The following SLC6A5 variants were observed in gnomAD, a reference collection of about 807,000 sequenced individuals.
SLC6A5 encodes solute carrier family 6 member 5, also known as sodium- and chloride-dependent glycine transporter 2.
A neutral mutation model predicts 90.5 loss-of-function variants in SLC6A5; 58 were observed. That is an observed-to-expected ratio of 0.64 (90% CI 0.52 to 0.80). The LOEUF (loss-of-function observed/expected upper bound fraction) is 0.80. Ranked by LOEUF, SLC6A5 falls within the 30% of genes least tolerant of loss-of-function variation. SLC6A5 has a pLI of 0.00. For synonymous variants in SLC6A5, 427 were observed against 401.4 expected (o/e 1.06, Z -0.76); for missense variants, 1,015 against 1,017.6 (o/e 1.00, Z 0.03).
At chr11:20,617,993 C>T (rs1852816913) in intron 7 of SLC6A5, 109 bp downstream of exon 7, 1 of 1,135,328 alleles carries the variant, frequency 8.8e-7, no homozygotes, top group Admixed American at 1.7e-5. Flanking sequence ...GATGCTAATT[C>T]TGACTCTGCC....
At chr11:20,618,585 A>G (rs1359009288) in intron 7 of SLC6A5, among the ~76,000 whole-genome samples, 1 of 152,206 alleles carries the variant, frequency 6.6e-6, no homozygotes, top group African/African-American at 2.4e-5. Flanking sequence ...CTCAGGCCAC[A>G]GTGGGCATTG....
At chr11:20,638,926 T>C (rs1474698239) in intron 13 of SLC6A5, among the ~76,000 whole-genome samples, 1 of 152,154 alleles carries the variant, frequency 6.6e-6, no homozygotes, top group African/African-American at 2.4e-5. Flanking sequence ...TCAATACCCA[T>C]GCAGCTTGAA....
At chr11:20,622,950 G>C (rs1852920085) in intron 7 of SLC6A5, among the ~76,000 whole-genome samples, 1 of 152,308 alleles carries the variant, frequency 6.6e-6, no homozygotes, top group South Asian at 2.1e-4. Context: ...CCTGACAGCT[G>C]TGAGGCCAGC....
intron 13 of SLC6A5, among the ~76,000 whole-genome samples, chr11:20,642,326 G>A (rs1298817622): frequency 6.6e-6 from 1 of 151,884 alleles, no homozygotes; most frequent in Non-Finnish European, 1.5e-5. Context: ...AGGTGCATGG[G>A]GGAAAGTGAT....
Position 20,654,658 on chromosome 11 carries a change from A to G in SLC6A5, c.2239-55A>G, listed in dbSNP as rs1018281543. 3.8e-6 allele frequency: 6 copies of G among 1,590,590 alleles called. No individual in the cohort carries two copies. The African/African-American group carries it at 8.1e-5, about 21-fold the overall frequency. ...GTTTGGGGATGAGTGGGTCGTCCCCAGGTGAGGAAGGTGCACTACTTCTGT... is the reference window on the plus strand; with the variant it reads ...GTTTGGGGATGAGTGGGTCGTCCCCGGGTGAGGAAGGTGCACTACTTCTGT... On this transcript the variant is annotated intron_variant, in intron 15 of 15. Transcript: ENST00000525748.
At chr11:20,650,155 AG>A (rs1254400031) in intron 14 of SLC6A5, among the ~76,000 whole-genome samples, 1 of 151,840 alleles carries the variant, frequency 6.6e-6, no homozygotes, top group Non-Finnish European at 1.5e-5. Context: ...TTAGGAAGAG[AG>A]GGGTGGGGAG....
rs151103965 is a variant in SLC6A5 at position 20,649,084 on chromosome 11, G to T, written c.2070+2150G>T. Among the ~76,000 whole-genome samples the T allele has an allele frequency of 5.4e-4, 83 of 152,308 alleles. 3 individuals carry two copies. Among genetic ancestry groups the T allele is most frequent in the African/African-American group, 1.9e-3 (80 of 41,562 alleles). On this transcript the variant is annotated intron_variant, in intron 14 of 15. Transcript: ENST00000525748. ...TTCATCTTCAATTAGAGTTTGGCCA[G>T]TTTGGATTAAAATAGTTCTAATCAT... is the stretch of plus-strand genomic sequence containing the variant.
chr11:20,610,325 G>T (rs994035097), intron 5 of SLC6A5, among the ~76,000 whole-genome samples: 1 of 152,200 alleles, frequency 6.6e-6, no homozygotes, highest in Non-Finnish European at 1.5e-5. Flanking sequence ...GATATTGCAG[G>T]AGGCTTGGGG....
rs770858807 is a variant in SLC6A5, at chr11:20,638,515, C to T, written c.1926C>T (p.Val642=). Residue 642 remains valine, a synonymous_variant, in exon 13 of 16, where the codon GTC becomes GTT. Coordinates refer to ENST00000525748, the MANE Select transcript of SLC6A5 (RefSeq NM_004211.5). Reference sequence around the variant, plus strand: ...CCTATGCTGCCTCCTATGCCCTTGTCATCATTGCCATTTTTGAGCTCGTGG... The same window carrying T: ...CCTATGCTGCCTCCTATGCCCTTGTTATCATTGCCATTTTTGAGCTCGTGG... ...VDTYAASYAL[V]IIAIFELVGI... 16 of 1,613,180 alleles carry T rather than the reference C, an allele frequency of 9.9e-6. No homozygotes were observed. The highest frequency in any genetic ancestry group is 1.7e-4 in the Middle Eastern group (1 of 6,058).
intron 6 of SLC6A5, among the ~76,000 whole-genome samples, chr11:20,616,510 G>A (rs1174884585): frequency 6.6e-6 from 1 of 152,182 alleles, no homozygotes; most frequent in African/African-American, 2.4e-5. Flanking sequence ...CTTGTTTGAG[G>A]TCCTACAATT....
In SLC6A5 at chr11:20,627,971, G is replaced by C. The variant is rs1565281262; in HGVS notation, c.1396-9G>C. ...TGGGTCTTGAATCTCTTTCCCTTTT[G>C]CCTCTCAGGTGTGGAAAGATGCTGC... On this transcript the variant is annotated splice_polypyrimidine_tract_variant and intron_variant, in intron 8 of 15. Coordinates refer to ENST00000525748, the MANE Select transcript of SLC6A5 (RefSeq NM_004211.5). The C allele has an allele frequency of 6.2e-7, 1 of 1,609,026 alleles. No individual in the cohort carries two copies. Among genetic ancestry groups the C allele is most frequent in the Non-Finnish European group, 8.5e-7 (1 of 1,175,604 alleles).
intron 14 of SLC6A5, among the ~76,000 whole-genome samples, chr11:20,648,570 T>C (rs1240083643): frequency 1.3e-5 from 2 of 152,156 alleles, no homozygotes; most frequent in Non-Finnish European, 2.9e-5. Context: ...TATGAAGAAC[T>C]TGAATTTACC....
rs747139004 is a variant in SLC6A5, at chr11:20,614,735, A to T, written c.1042A>T (p.Met348Leu). Residue 348 changes from methionine (M) to leucine (L), a missense_variant, in exon 6 of 16, where the codon ATG becomes TTG. By Grantham distance (15) the Met-to-Leu change is conservative. Coordinates refer to ENST00000525748, the MANE Select transcript of SLC6A5 (RefSeq NM_004211.5). ...KIQIKNSTFC[M>L]TAYPNVTMVN... is the part of the protein sequence containing the mutation. ...ACAGATCAAGAACTCGACTTTCTGCATGACCGCTTATCCCAACGTGACAAT... is the reference window on the plus strand; with the variant it reads ...ACAGATCAAGAACTCGACTTTCTGCTTGACCGCTTATCCCAACGTGACAAT... 2 of 1,613,840 alleles carry T rather than the reference A, an allele frequency of 1.2e-6. No individual in the cohort carries two copies. Among genetic ancestry groups the T allele is most frequent in the Non-Finnish European group, 1.7e-6 (2 of 1,179,792 alleles).
Position 20,630,807 on chromosome 11 carries a change from C to T in SLC6A5, c.1616C>T (p.Ala539Val). The T allele has an allele frequency of 6.2e-7, 1 of 1,614,166 alleles. No individual in the cohort carries two copies. Among genetic ancestry groups the T allele is most frequent in the Non-Finnish European group, 8.5e-7 (1 of 1,179,992 alleles). The change falls in exon 10 of 16, where the codon GCA (alanine) becomes GTA (valine). Residue 539 changes from alanine (A) to valine (V), a missense_variant. Coordinates refer to ENST00000525748, the MANE Select transcript of SLC6A5 (RefSeq NM_004211.5). ...NERKVNIENV[A>V]DQGPGIAFVV... is the part of the protein sequence containing the mutation. ...CGCAAAGTCAACATTGAGAATGTGG[C>T]AGACCAAGGTACAGGACAGTTGTTA...
chr11:20,622,220 C>T (rs1391350111), intron 7 of SLC6A5, among the ~76,000 whole-genome samples: 1 of 152,242 alleles, frequency 6.6e-6, no homozygotes, highest in Non-Finnish European at 1.5e-5. Context: ...GCACACCTGT[C>T]TCACATTTGA....
intron 2 of SLC6A5, among the ~76,000 whole-genome samples, chr11:20,603,461 A>C (rs1453134484): frequency 6.6e-6 from 1 of 152,170 alleles, no homozygotes; most frequent in Non-Finnish European, 1.5e-5. Flanking sequence ...CAGTCATTCT[A>C]AGCCTCTTTT....
At chr11:20,602,927 G>A (rs543359793) in intron 2 of SLC6A5, among the ~76,000 whole-genome samples, 1 of 152,200 alleles carries the variant, frequency 6.6e-6, no homozygotes, top group Admixed American at 6.5e-5. Context: ...TCCGCACTGC[G>A]GCAGAAGGAG....
At chr11:20,600,346 A>AAGAAGAAGAAGG (rs1852437999) in intron 1 of SLC6A5, among the ~76,000 whole-genome samples, 2 of 94,786 alleles carry the variant, frequency 2.1e-5, no homozygotes, top group South Asian at 6.6e-4. Context: ...GAAGAAGAAG[A>AAGAAGAAGAAGG]AGAAGAAGAA....
At chr11:20,637,893 T>G (rs1375063386) in intron 12 of SLC6A5, among the ~76,000 whole-genome samples, 1 of 152,220 alleles carries the variant, frequency 6.6e-6, no homozygotes, top group Non-Finnish European at 1.5e-5. Context: ...AGTATATATA[T>G]TGCTTTTGTT....
Sources: allele counts gnomAD v4.1 joint callset (sites outside exome capture counted in the v4.1 genomes callset), GRCh38; gene constraint gnomAD v4.1.1; transcripts MANE v1.5; gene names NCBI Gene and HGNC (gene_info 2026-07-23, HGNC 2026-07-21).